The following IQSEC3 variants were observed in gnomAD, a reference collection of about 807,000 sequenced individuals.
IQSEC3 encodes the protein IQ motif and SEC7 domain-containing protein 3.
Under a neutral mutation model 105.4 loss-of-function variants are expected in IQSEC3, and 50 were observed. That is an observed-to-expected ratio of 0.47 (90% CI 0.38 to 0.60). The LOEUF is 0.60. Ranked by LOEUF, IQSEC3 falls within the 20% of genes least tolerant of loss-of-function variation. The pLI is 0.00. For missense variants in IQSEC3, 1,415 were observed against 1,630.0 expected (o/e 0.87, Z 2.27); for synonymous variants, 708 against 746.0 (o/e 0.95, Z 0.83).
chr12:167,809 G>A (rs960949236), intron 11 of IQSEC3: 1 of 152,194 alleles, frequency 6.6e-6, no homozygotes, highest in Non-Finnish European at 1.5e-5. Flanking sequence ...TACAAGTAAG[G>A]AAACAGGCTA....
chr12:92,626 G>A (rs959674452), intron 1 of IQSEC3, among the ~76,000 whole-genome samples: 9 of 152,204 alleles, frequency 5.9e-5, no homozygotes, highest in Admixed American at 1.3e-4. Context: ...GCCGAGATCC[G>A]GGTCCCGGGC....
intron 5 of IQSEC3, among the ~76,000 whole-genome samples, chr12:151,504 T>C (rs1196373296): frequency 2.0e-5 from 3 of 152,214 alleles, no homozygotes; most frequent in Non-Finnish European, 2.9e-5. Flanking sequence ...AGCTTGGACC[T>C]CTGCAGTAGC....
rs782130595 is a variant in IQSEC3 at position 125,847 on chromosome 12, G to A, written c.838G>A (p.Ala280Thr). Residue 280 changes from alanine to threonine, a missense_variant, in exon 3 of 14, where the codon GCG becomes ACG. Physicochemically the swap from Ala to Thr is moderately conservative, Grantham distance 58. This residue lies in a region of IQSEC3 where 720 missense variants were observed against 633.0 expected (regional missense o/e 1.14). Coordinates refer to ENST00000538872, the MANE Select transcript of IQSEC3 (RefSeq NM_001170738.2). ...PGRQQPALATALCPHAPAASD... is the reference protein window; with the variant it reads ...PGRQQPALATTLCPHAPAASD... ...CCGGCAGCAGCCTGCCCTGGCGACG[G>A]CGCTGTGCCCCCACGCCCCTGCCGC... 2.6e-6 allele frequency: 4 copies of A among 1,533,078 alleles called. No individual in the cohort carries two copies. The highest frequency in any genetic ancestry group is 1.2e-5 in the South Asian group (1 of 83,982). The allele number at this position is 1,533,078 out of a possible 1,614,324, so 95.0% of individuals were successfully genotyped here. A position where few individuals can be genotyped will look rare whatever the true frequency, so the allele number is the denominator to read the frequency against.
At chr12:122,399 CGTGA>C (rs1865248744) in intron 2 of IQSEC3, among the ~76,000 whole-genome samples, 1 of 152,076 alleles carries the variant, frequency 6.6e-6, no homozygotes. Flanking sequence ...ATTGTGTGTG[CGTGA>C]GTGTGTGTGT....
At chr12:135,048 T>C (rs1388142480) in intron 3 of IQSEC3, among the ~76,000 whole-genome samples, 2 of 152,304 alleles carry the variant, frequency 1.3e-5, no homozygotes, top group African/African-American at 4.8e-5. Context: ...GAGAATCGCT[T>C]GAACCCAGGA....
intron 2 of IQSEC3, among the ~76,000 whole-genome samples, chr12:103,574 G>GGA (rs782406012): frequency 3.8e-5 from 1 of 26,284 alleles, no homozygotes; most frequent in Non-Finnish European, 7.4e-5. Context: ...GGGCTCAGGG[G>GGA]GAGGTGGGGG....
At chr12:142,730 G>A (rs1555089673) in intron 5 of IQSEC3, 1 of 152,312 alleles carries the variant, frequency 6.6e-6, no homozygotes, top group Non-Finnish European at 1.5e-5. Context: ...GCACTGCTGT[G>A]GGGGCCCATG....
chr12:147,170 G>A (rs1316111723), intron 5 of IQSEC3, among the ~76,000 whole-genome samples: 1 of 152,186 alleles, frequency 6.6e-6, no homozygotes, highest in African/African-American at 2.4e-5. Flanking sequence ...AGCTGTGGCT[G>A]CAACAGGCCA....
In IQSEC3 at chr12:81,753, C is replaced by T. The variant is rs566553305; in HGVS notation, c.554+14317C>T. Among the ~76,000 whole-genome samples, 17 of 152,178 alleles carry T rather than the reference C, an allele frequency of 1.1e-4. No individual in the cohort carries two copies. In the South Asian group the frequency reaches 1.7e-3, roughly 15 times the overall value. ...AAGCCTTGAGACTGGGCCACGCCAC[C>T]AAGGAGTGAGAACAGAAGATGAAAG... On this transcript the variant is annotated intron_variant, in intron 1 of 13. Transcript: ENST00000538872.
chr12:115,659 T>C (rs1241271159), intron 2 of IQSEC3, among the ~76,000 whole-genome samples: 4 of 152,218 alleles, frequency 2.6e-5, no homozygotes, highest in Admixed American at 6.5e-5. Context: ...AGCAAAATCA[T>C]GTAGCAGGTA....
chr12:105,264 T>C (rs1864607516), intron 2 of IQSEC3, among the ~76,000 whole-genome samples: 1 of 152,038 alleles, frequency 6.6e-6, no homozygotes, highest in African/African-American at 2.4e-5. Context: ...TTTGGAGAGG[T>C]TGGGATGGGG....
At chr12:167,198 C>A (rs1591754631) in intron 11 of IQSEC3, 2 of 152,156 alleles carry the variant, frequency 1.3e-5, no homozygotes, top group East Asian at 3.9e-4. Context: ...AGAGAGGCCG[C>A]CTCTGCTGTT....
At chr12:149,608 A>G (rs1459737322) in intron 5 of IQSEC3, among the ~76,000 whole-genome samples, 1 of 152,218 alleles carries the variant, frequency 6.6e-6, no homozygotes, top group Non-Finnish European at 1.5e-5. Flanking sequence ...CAGAGATTAA[A>G]ATAACTGCCC....
Position 174,664 on chromosome 12 carries a change from G to A in IQSEC3, c.3180G>A (p.Ala1060=), listed in dbSNP as rs755811178. Residue 1060 remains alanine, a synonymous_variant, in exon 14 of 14, where the codon GCG becomes GCA. Coordinates refer to ENST00000538872, the MANE Select transcript of IQSEC3 (RefSeq NM_001170738.2). ...CCGGGCTGGGGGCCGAGAGGGGAGC[G>A]CCGGTGCCGCCGCCAGACCTGCAGC... ...HNSGLGAERG[A]PVPPPDLQPS... is the part of the protein sequence containing the mutation. The A allele has an allele frequency of 2.9e-5, 46 of 1,588,544 alleles. No individual in the cohort carries two copies. In the Middle Eastern group the frequency reaches 6.8e-4, roughly 23 times the overall value.
chr12:140,809 T>G, intron 4 of IQSEC3: 3 of 309,624 alleles, frequency 9.7e-6, no homozygotes, highest in East Asian at 5.4e-5. Context: ...GGGACCTGCA[T>G]ATTGACAACA....
intron 9 of IQSEC3, 76 bp from the exon 10 acceptor site, chr12:165,358 C>A (rs1471349389): frequency 1.8e-6 from 2 of 1,082,258 alleles, no homozygotes; most frequent in Admixed American, 1.7e-5. Flanking sequence ...GATCGTGCAT[C>A]CCCCGGGTGT....
In IQSEC3 at chr12:175,655, C is replaced by A. The variant is rs1486055901; in HGVS notation, c.*622C>A. On this transcript the variant is annotated 3_prime_UTR_variant, in exon 14 of 14. Transcript: ENST00000538872. The stretch of plus-strand genomic sequence containing the variant: ...CCTGACCATGTCCTTCCCCCTCCTC[C>A]CAGGGCCTCTGCTTCCTCAGGAGCT... 6.6e-6 allele frequency: 1 copy of A among 152,344 alleles called. No homozygotes were observed. The highest frequency in any genetic ancestry group is 1.5e-5 in the Non-Finnish European group (1 of 68,126). The allele number at this position is 152,344 out of a possible 1,614,324, so 9.4% of individuals were successfully genotyped here. A position where few individuals can be genotyped will look rare whatever the true frequency, so the allele number is the denominator to read the frequency against.
At chr12:87,448 A>T (rs1863953841) in intron 1 of IQSEC3, among the ~76,000 whole-genome samples, 1 of 152,200 alleles carries the variant, frequency 6.6e-6, no homozygotes, top group Non-Finnish European at 1.5e-5. Flanking sequence ...TCAGACGCTG[A>T]GAAGTTCTTA....
chr12:150,188 G>A (rs1866449307), intron 5 of IQSEC3, among the ~76,000 whole-genome samples: 1 of 152,198 alleles, frequency 6.6e-6, no homozygotes, highest in Non-Finnish European at 1.5e-5. Flanking sequence ...CAGGCAGCCA[G>A]CGCACAGCCA....
Sources: gnomAD v4.1 joint callset for allele counts (sites outside exome capture counted in the v4.1 genomes callset) on GRCh38, gnomAD v4.1.1 for gene constraint, gnomAD v4.1.1 regional missense constraint, MANE v1.5 for transcripts, NCBI Gene and HGNC (gene_info 2026-07-23, HGNC 2026-07-21) for gene names.